The following MAML2 variants were observed in gnomAD, a reference collection of about 807,000 sequenced individuals.
MAML2 encodes the protein mastermind like transcriptional coactivator 2.
A neutral mutation model predicts 96.1 loss-of-function variants in MAML2; 22 were observed. That is an observed-to-expected ratio of 0.23 (90% CI 0.16 to 0.33). The LOEUF is 0.33. Among genes scored for constraint, MAML2 ranks in the 10% least tolerant of loss-of-function variants. The probability of loss-of-function intolerance (pLI) is 1.00; values close to 1 mark genes in which losing one functional copy is unlikely to be tolerated. For synonymous variants in MAML2, 561 were observed against 521.3 expected (o/e 1.08, Z -1.04); for missense variants, 1,367 against 1,392.4 (o/e 0.98, Z 0.29).
At chr11:96,260,600 A>G (rs561229891) in intron 1 of MAML2, among the ~76,000 whole-genome samples, 1 of 152,282 alleles carries the variant, frequency 6.6e-6, no homozygotes, top group South Asian at 2.1e-4. Context: ...TGATACCTGC[A>G]GTTTAAGACT....
intron 1 of MAML2, among the ~76,000 whole-genome samples, chr11:96,102,306 A>G (rs780611342): frequency 6.6e-6 from 1 of 152,072 alleles, no homozygotes; most frequent in Non-Finnish European, 1.5e-5. Context: ...AACAACAAAA[A>G]CCACTGTTTT....
intron 2 of MAML2, among the ~76,000 whole-genome samples, chr11:96,052,800 C>G (rs989525759): frequency 2.0e-5 from 3 of 152,192 alleles, no homozygotes; most frequent in Non-Finnish European, 4.4e-5. Flanking sequence ...GATTCAGTAC[C>G]TAGTCTAGGT....
intron 1 of MAML2, among the ~76,000 whole-genome samples, chr11:96,328,581 C>A (rs77603725): frequency 1.5e-4 from 23 of 152,050 alleles, no homozygotes; most frequent in Admixed American, 4.6e-4. Context: ...AAAGAAGTGA[C>A]TGGAAGAGCT....
chr11:95,977,801 T>G lies in MAML2; in HGVS notation c.*1147A>C, dbSNP rs879041830. 2 of 226,072 alleles carry G rather than the reference T, an allele frequency of 8.8e-6. No individual in the cohort carries two copies. Among genetic ancestry groups the G allele is most frequent in the South Asian group, 3.6e-4 (2 of 5,480 alleles). The allele number at this position is 226,072 out of a possible 1,614,324, so 14.0% of individuals were successfully genotyped here. On this transcript the variant is annotated 3_prime_UTR_variant, in exon 5 of 5. Transcript: ENST00000524717. ...TGCTCCTAACAGACCACATTCCATTTTGTTGCTCACCCAAATCCAAATAAT... is the reference window on the plus strand; with the variant it reads ...TGCTCCTAACAGACCACATTCCATTGTGTTGCTCACCCAAATCCAAATAAT...
intron 1 of MAML2, among the ~76,000 whole-genome samples, chr11:96,284,190 A>G (rs1247070988): frequency 6.6e-6 from 1 of 152,154 alleles, no homozygotes; most frequent in East Asian, 1.9e-4. Flanking sequence ...TACCACTTTC[A>G]ATTTGTCTGT....
intron 1 of MAML2, among the ~76,000 whole-genome samples, chr11:96,252,744 G>C (rs1862602620): frequency 6.6e-6 from 1 of 152,118 alleles, no homozygotes; most frequent in South Asian, 2.1e-4. Context: ...ACTTGTCCAA[G>C]GTCATATCAG....
At position 95,991,167 on chromosome 11, in the gene MAML2, G is replaced by T. The variant is rs534352653; in HGVS notation, c.2343+353C>A. Among the ~76,000 whole-genome samples the T allele has an allele frequency of 2.6e-4, 40 of 152,192 alleles. No individual in the cohort carries two copies. The South Asian group carries it at 3.1e-3, about 12-fold the overall frequency. On this transcript the variant is annotated intron_variant, in intron 3 of 4. Coordinates refer to ENST00000524717, the MANE Select transcript of MAML2 (RefSeq NM_032427.4). ...AACTCTTATCTCTAAAATCAGTTTGGATTTGAGTTGATTCAAGTTCAGTTT... is the reference window on the plus strand; with the variant it reads ...AACTCTTATCTCTAAAATCAGTTTGTATTTGAGTTGATTCAAGTTCAGTTT...
At chr11:96,068,667 A>T (rs1000543653) in intron 2 of MAML2, among the ~76,000 whole-genome samples, 3 of 152,028 alleles carry the variant, frequency 2.0e-5, no homozygotes, top group Admixed American at 1.3e-4. Flanking sequence ...TGTCAACTAA[A>T]AATACAAAAA....
intron 1 of MAML2, among the ~76,000 whole-genome samples, chr11:96,234,679 G>T (rs1256392662): frequency 6.6e-6 from 1 of 152,040 alleles, no homozygotes; most frequent in Admixed American, 6.6e-5. Flanking sequence ...ACATATGCAT[G>T]CACATACTTG....
At position 96,091,951 on chromosome 11, in the gene MAML2, G is replaced by A. The variant is rs2135810048; in HGVS notation, c.2080C>T (p.Gln694Ter). ...CCTGCAATGGGCTGATTCTGCATTTGCTGAAGTAGGAGCTTTTGCTGAAGT... is the reference window on the plus strand; with the variant it reads ...CCTGCAATGGGCTGATTCTGCATTTACTGAAGTAGGAGCTTTTGCTGAAGT... ...LPLQQKLLLQ[Q>*]MQNQPIAGMG... is the part of the protein sequence containing the mutation. Residue 694 changes from glutamine (Q) to a stop codon, truncating the protein, a stop_gained, in exon 2 of 5, where the codon CAA (glutamine) becomes TAA (stop). Transcript: ENST00000524717. LOFTEE classifies it high-confidence loss of function. 1 of 1,612,288 alleles carries A rather than the reference G, an allele frequency of 6.2e-7. No homozygotes were observed. The highest frequency in any genetic ancestry group is 8.5e-7 in the Non-Finnish European group (1 of 1,179,194).
intron 1 of MAML2, among the ~76,000 whole-genome samples, chr11:96,133,551 C>T (rs1338191407): frequency 6.6e-6 from 1 of 151,646 alleles, no homozygotes; most frequent in Non-Finnish European, 1.5e-5. Flanking sequence ...ATCGACTTGG[C>T]AGAAAAACAG....
At chr11:95,987,030 G>T (rs1049852941) in intron 3 of MAML2, among the ~76,000 whole-genome samples, 1 of 152,218 alleles carries the variant, frequency 6.6e-6, no homozygotes, top group Non-Finnish European at 1.5e-5. Context: ...CTCAGTAGGA[G>T]AATGTTAGAA....
chr11:96,267,052 GTA>G lies in MAML2; in HGVS notation c.513+74329_513+74330del, dbSNP rs531251267. On this transcript the variant is annotated intron_variant, in intron 1 of 4. Transcript: ENST00000524717. The stretch of plus-strand genomic sequence containing the variant: ...TGCTGAGGAACAGTATGTCCCTAAT[GTA>G]TAGTTTTATATATGTGTAAAACCTA... 6.4e-3 allele frequency among the ~76,000 whole-genome samples: 973 copies of G among 152,272 alleles called. 6 individuals carry two copies. The highest frequency in any genetic ancestry group is 0.01 in the Middle Eastern group (3 of 294).
intron 1 of MAML2, among the ~76,000 whole-genome samples, chr11:96,332,956 C>T (rs924279333): frequency 2.6e-5 from 4 of 152,120 alleles, no homozygotes; most frequent in South Asian, 2.1e-4. Context: ...AACAGACTCC[C>T]GGTAAGTTAT....
intron 2 of MAML2, 102 bp downstream of exon 2, chr11:96,091,790 G>A: frequency 2.7e-6 from 4 of 1,459,560 alleles, no homozygotes; most frequent in Non-Finnish European, 3.7e-6. Flanking sequence ...TACTGTCTTT[G>A]GTCTTGATCT....
chr11:96,005,276 T>C (rs1199477400), intron 2 of MAML2, among the ~76,000 whole-genome samples: 3 of 152,244 alleles, frequency 2.0e-5, no homozygotes, highest in Non-Finnish European at 4.4e-5. Flanking sequence ...TTATCACGTA[T>C]ACTGACATTT....
chr11:96,334,602 G>A (rs905669517), intron 1 of MAML2, among the ~76,000 whole-genome samples: 1 of 151,780 alleles, frequency 6.6e-6, no homozygotes, highest in Non-Finnish European at 1.5e-5. Context: ...CTCACCTCCC[G>A]TCTACACTGT....
intron 2 of MAML2, among the ~76,000 whole-genome samples, chr11:96,012,612 G>A (rs745564901): frequency 4.6e-5 from 7 of 152,128 alleles, no homozygotes; most frequent in South Asian, 4.2e-4. Flanking sequence ...ATAATAAGCC[G>A]TTAACTCCAC....
At chr11:96,258,732 G>A (rs552708321) in intron 1 of MAML2, among the ~76,000 whole-genome samples, 1 of 152,330 alleles carries the variant, frequency 6.6e-6, no homozygotes, top group African/African-American at 2.4e-5. Context: ...CCTATGAGCA[G>A]AGAGGCCCAT....
Sources: gnomAD v4.1 joint callset for allele counts (sites outside exome capture counted in the v4.1 genomes callset) on GRCh38, gnomAD v4.1.1 for gene constraint, MANE v1.5 for transcripts, NCBI Gene and HGNC (gene_info 2026-07-23, HGNC 2026-07-21) for gene names.